Variants in MEA1 observed in about 807,000 individuals in gnomAD.
The protein encoded by MEA1 is male-enhanced antigen 1.
MEA1 carries 22 observed loss-of-function variants against 21.4 expected under a neutral mutation model. The ratio of observed to expected loss-of-function variants is 1.03; its 90% confidence interval spans 0.73 to 1.47. MEA1 has a LOEUF of 1.47. Among genes scored for constraint, MEA1 ranks in the 40% most tolerant of loss-of-function variants. The pLI, the probability that MEA1 is intolerant of heterozygous loss-of-function variation, is 0.00. For synonymous variants in MEA1, 91 were observed against 85.5 expected (o/e 1.06, Z -0.35); for missense variants, 233 against 230.5 (o/e 1.01, Z -0.07).
chr6:43,013,680 G>A lies in MEA1; in HGVS notation c.28+106C>T, dbSNP rs1762464145. The A allele has an allele frequency of 6.6e-6, 8 of 1,213,026 alleles. No individual in the cohort carries two copies. The Admixed American group carries it at 1.3e-4, about 20-fold the overall frequency. 75.1% of individuals were successfully genotyped at this position (1,213,026 alleles called of 1,614,324 possible). On this transcript the variant is annotated intron_variant, in intron 1 of 3. Transcript: ENST00000244711. ...ACCCCTTCCAGAACCCCGGCTCCCCGCGCCACGCCTCCCCCGCGACTTGGG... is the reference window on the plus strand; with the variant it reads ...ACCCCTTCCAGAACCCCGGCTCCCCACGCCACGCCTCCCCCGCGACTTGGG...
chr6:43,013,918 C>G lies in MEA1; in HGVS notation c.-105G>C. On this transcript the variant is annotated 5_prime_UTR_variant, in exon 1 of 4. Coordinates refer to ENST00000244711, the MANE Select transcript of MEA1 (RefSeq NM_014623.4). ...CTCACCCGCTCAGAGCCCGCGGCCT[C>G]CACTTCCGGCGGGGCAGGACGTGCA... The G allele has an allele frequency of 6.7e-7, 1 of 1,482,566 alleles. No homozygotes were observed. The highest frequency in any genetic ancestry group is 9.0e-7 in the Non-Finnish European group (1 of 1,116,560). The allele number at this position is 1,482,566 out of a possible 1,614,324, so 91.8% of individuals were successfully genotyped here.
chr6:43,016,807 G>A (rs1762589551), upstream of MEA1: 1 of 225,162 alleles, frequency 4.4e-6, no homozygotes, highest in Non-Finnish European at 8.9e-6. Context: ...TTTGGGAAGG[G>A]GGCTTCAAGT....
In MEA1 at chr6:43,012,124, G is replaced by T; in HGVS notation, c.*346C>A. 1 of 822,656 alleles carries T rather than the reference G, an allele frequency of 1.2e-6. No homozygotes were observed. Among genetic ancestry groups the T allele is most frequent in the Non-Finnish European group, 1.5e-6 (1 of 671,846 alleles). 51.0% of individuals were successfully genotyped at this position (822,656 alleles called of 1,614,324 possible). ...CCAACACCTATTTATTTCCTTGTTT[G>T]TGCTATGCTGGGCAGGCCTTCTCTT... On this transcript the variant is annotated 3_prime_UTR_variant, in exon 4 of 4. Transcript: ENST00000244711.
At chr6:43,014,462 A>C (rs1477986176), upstream of MEA1, 8 of 487,500 alleles carry the variant, frequency 1.6e-5, no homozygotes, top group Non-Finnish European at 2.7e-5. Flanking sequence ...GTGGGGAGGG[A>C]GCTAGGGGGA....
upstream of MEA1, chr6:43,014,027 T>C: frequency 1.4e-6 from 2 of 1,420,034 alleles, no homozygotes; most frequent in Admixed American, 6.0e-5. Context: ...CCCGCCTCCG[T>C]CATTCCCAGC....
chr6:43,014,157 G>T, upstream of MEA1: 1 of 1,414,886 alleles, frequency 7.1e-7, no homozygotes, highest in East Asian at 2.5e-5. Context: ...CTCAGGAAAC[G>T]TATGGACTAC....
chr6:43,013,620 C>A, intron 1 of MEA1, 166 bp downstream of exon 1: 1 of 845,832 alleles, frequency 1.2e-6, no homozygotes, highest in Non-Finnish European at 1.9e-6. Context: ...CCTAGTTAAA[C>A]GCCCAACCGG....
Position 43,012,310 on chromosome 6 carries a change from T to C in MEA1, c.*160A>G. On this transcript the variant is annotated 3_prime_UTR_variant, in exon 4 of 4. Transcript: ENST00000244711. ...TTGGGCTTGGACCGATGTCCCCATA[T>C]GTACAGAACTGAATAAAGTGGGTCT... 2 of 1,411,624 alleles carry C rather than the reference T, an allele frequency of 1.4e-6. No individual in the cohort carries two copies. The highest frequency in any genetic ancestry group is 1.8e-6 in the Non-Finnish European group (2 of 1,081,932). The allele number at this position is 1,411,624 out of a possible 1,614,324, so 87.4% of individuals were successfully genotyped here.
intron 1 of MEA1, 147 bp downstream of exon 1, chr6:43,013,639 C>T: frequency 2.2e-6 from 2 of 928,836 alleles, no homozygotes; most frequent in East Asian, 2.6e-5. Context: ...GGAGGCCCTG[C>T]CACCTCCTAA....
Position 43,013,860 on chromosome 6 carries a change from C to T in MEA1, c.-47G>A. The T allele has an allele frequency of 6.5e-7, 1 of 1,528,824 alleles. No individual in the cohort carries two copies. The highest frequency in any genetic ancestry group is 8.8e-7 in the Non-Finnish European group (1 of 1,141,574). 94.7% of individuals were successfully genotyped at this position (1,528,824 alleles called of 1,614,324 possible). On this transcript the variant is annotated 5_prime_UTR_variant, in exon 1 of 4. It removes an upstream start codon present in the reference 5' UTR. Coordinates refer to ENST00000244711, the MANE Select transcript of MEA1 (RefSeq NM_014623.4). ...AGCTGCAGCGTCCCCCACCCGCCCC[C>T]ATCCGAATCCCGGCGCCGGTGTTCC...
Position 43,011,436 on chromosome 6 carries a change from G to A in MEA1, c.*1034C>T. 4 of 1,061,364 alleles carry A rather than the reference G, an allele frequency of 3.8e-6. No homozygotes were observed. Among genetic ancestry groups the A allele is most frequent in the Non-Finnish European group, 5.4e-6 (4 of 747,170 alleles). 65.7% of individuals were successfully genotyped at this position (1,061,364 alleles called of 1,614,324 possible). On this transcript the variant is annotated 3_prime_UTR_variant, in exon 4 of 4. Transcript: ENST00000244711. Reference sequence around the variant, plus strand: ...GGGGGATGTGGGCACTTGAAGCAGGGACACCCACAGAATGGTCCCTCTTCT... The same window carrying A: ...GGGGGATGTGGGCACTTGAAGCAGGAACACCCACAGAATGGTCCCTCTTCT...
At chr6:43,014,551 T>G (rs187642088), upstream of MEA1, 134 of 462,544 alleles carry the variant, frequency 2.9e-4, 1 homozygote, top group Middle Eastern at 9.6e-4. Context: ...AGACCTGGTG[T>G]CTGGAGGAAG....
chr6:43,011,963 CCT>C lies in MEA1; in HGVS notation c.*505_*506del, dbSNP rs1250795145. The C allele has an allele frequency of 6.4e-6, 1 of 156,146 alleles. No homozygotes were observed. Among genetic ancestry groups the C allele is most frequent in the African/African-American group, 2.4e-5 (1 of 41,522 alleles). The allele number at this position is 156,146 out of a possible 1,614,324, so 9.7% of individuals were successfully genotyped here. On this transcript the variant is annotated 3_prime_UTR_variant, in exon 4 of 4. Coordinates refer to ENST00000244711, the MANE Select transcript of MEA1 (RefSeq NM_014623.4). ...GATGAATAAACACCCTACCCCGTGC[CCT>C]GTCTTTGGTGAGCAGCAGCCCTGGG... is the stretch of plus-strand genomic sequence containing the variant.
chr6:43,012,475 TC>T lies in MEA1; in HGVS notation c.552del (p.Trp184Ter). On this transcript the variant is annotated frameshift_variant, in exon 4 of 4. Transcript: ENST00000244711. LOFTEE classifies it high-confidence loss of function. ...TAAGGCAGCTCTCACTGTGGTCACTTCCAGGCAGGGGATGCCTGCCGGGCTT... is the reference window on the plus strand; with the variant it reads ...TAAGGCAGCTCTCACTGTGGTCACTTCAGGCAGGGGATGCCTGCCGGGCTT... ...ALQARQASPAWK is the reference protein window; with the variant it reads ...ALQARQASPAXK The T allele has an allele frequency of 1.3e-6, 2 of 1,598,808 alleles. No homozygotes were observed. The highest frequency in any genetic ancestry group is 8.5e-7 in the Non-Finnish European group (1 of 1,174,384).
upstream of MEA1, chr6:43,014,439 T>C (rs1447214482): frequency 2.7e-6 from 1 of 366,366 alleles, no homozygotes; most frequent in Admixed American, 3.2e-5. Context: ...GGCCTGAGAG[T>C]GATGAGGTGG....
At chr6:43,013,507 T>C in intron 1 of MEA1, 118 bp from the exon 2 acceptor site, 2 of 1,141,344 alleles carry the variant, frequency 1.8e-6, no homozygotes, top group Non-Finnish European at 2.5e-6. Context: ...CCGAGGCTCC[T>C]GCATCCTCCA....
In MEA1 at chr6:43,012,226, CT is replaced by C; in HGVS notation, c.*243del. On this transcript the variant is annotated 3_prime_UTR_variant, in exon 4 of 4. Coordinates refer to ENST00000244711, the MANE Select transcript of MEA1 (RefSeq NM_014623.4). Reference sequence around the variant, plus strand: ...GGTTCCAGGGGCGCAGGCAGTGCGGCTTTTGGCTGTGTACATAGGGTGCTTT... The same window carrying C: ...GGTTCCAGGGGCGCAGGCAGTGCGGCTTTGGCTGTGTACATAGGGTGCTTT... 1 of 1,212,968 alleles carries C rather than the reference CT, an allele frequency of 8.2e-7. No homozygotes were observed. The allele number at this position is 1,212,968 out of a possible 1,614,324, so 75.1% of individuals were successfully genotyped here. A position where few individuals can be genotyped will look rare whatever the true frequency, so the allele number is the denominator to read the frequency against.
upstream of MEA1, chr6:43,014,188 C>T: frequency 2.2e-6 from 3 of 1,384,874 alleles, no homozygotes; most frequent in East Asian, 2.5e-5. Flanking sequence ...ATGCCTCCGG[C>T]ACTTAGCTAC....
intron 1 of MEA1, 74 bp from the exon 2 acceptor site, chr6:43,013,463 T>C: frequency 6.6e-7 from 1 of 1,510,306 alleles, no homozygotes; most frequent in South Asian, 1.3e-5. Flanking sequence ...ATCATCTCCT[T>C]GTAGTCTCCT....
Sources: gnomAD v4.1 joint callset for allele counts on GRCh38, gnomAD v4.1.1 for gene constraint, MANE v1.5 for transcripts, NCBI Gene and HGNC (gene_info 2026-07-23, HGNC 2026-07-21) for gene names.